ATRNL1: variants seen among roughly 807,000 people sequenced by gnomAD.
The protein encoded by ATRNL1 is attractin like 1.
ATRNL1 carries 95 observed loss-of-function variants against 182.7 expected under a neutral mutation model. The ratio of observed to expected loss-of-function variants is 0.52; its 90% CI spans 0.44 to 0.62. The LOEUF is 0.62. ATRNL1 is among the 20% of genes least tolerant of loss of function. The pLI is 0.00. For missense variants in ATRNL1, 1,471 were observed against 1,679.5 expected (o/e 0.88, Z 2.17); for synonymous variants, 576 against 568.3 (o/e 1.01, Z -0.19).
chr10:115,561,099 T>G (rs1373307467), intron 26 of ATRNL1, among the ~76,000 whole-genome samples: 2 of 152,074 alleles, frequency 1.3e-5, no homozygotes, highest in Non-Finnish European at 2.9e-5. Flanking sequence ...CAGAATCTTC[T>G]TAGACATGAC....
intron 25 of ATRNL1, among the ~76,000 whole-genome samples, chr10:115,521,394 C>T (rs782082271): frequency 6.6e-6 from 1 of 152,102 alleles, no homozygotes; most frequent in Non-Finnish European, 1.5e-5. Flanking sequence ...CTCAGATGAT[C>T]TGCCCACCTC....
chr10:115,532,855 G>T (rs1413121643), intron 25 of ATRNL1, among the ~76,000 whole-genome samples: 5 of 151,950 alleles, frequency 3.3e-5, no homozygotes, highest in East Asian at 1.9e-4. Context: ...AATCTTTTCT[G>T]CATCTATTGA....
At chr10:115,673,726 A>G (rs984731041) in intron 26 of ATRNL1, among the ~76,000 whole-genome samples, 1 of 152,036 alleles carries the variant, frequency 6.6e-6, no homozygotes, top group Admixed American at 6.6e-5. Context: ...CTGTAATGTG[A>G]CTTTGCTCCT....
chr10:115,770,275 C>T (rs1477575100), intron 27 of ATRNL1, among the ~76,000 whole-genome samples: 5 of 151,876 alleles, frequency 3.3e-5, no homozygotes, highest in Non-Finnish European at 5.9e-5. Flanking sequence ...CTATTTTGTG[C>T]ATTCAGCTTC....
intron 10 of ATRNL1, among the ~76,000 whole-genome samples, chr10:115,246,263 T>C (rs1453129045): frequency 6.6e-6 from 1 of 152,172 alleles, no homozygotes; most frequent in African/African-American, 2.4e-5. Flanking sequence ...GTATTCAGAA[T>C]TTAAAGTTAA....
At chr10:115,761,160 A>G (rs926855681) in intron 27 of ATRNL1, among the ~76,000 whole-genome samples, 1 of 152,230 alleles carries the variant, frequency 6.6e-6, no homozygotes, top group Admixed American at 6.5e-5. Context: ...AATAATAGCA[A>G]AAGGCTAGTT....
At chr10:115,535,425 C>T (rs1412948577) in intron 25 of ATRNL1, among the ~76,000 whole-genome samples, 37 of 150,190 alleles carry the variant, frequency 2.5e-4, no homozygotes, top group African/African-American at 8.0e-4. Context: ...CTGCATTCTT[C>T]ACGTAGTTCT....
At chr10:115,131,416 A>G (rs782627623) in intron 5 of ATRNL1, among the ~76,000 whole-genome samples, 4 of 152,118 alleles carry the variant, frequency 2.6e-5, no homozygotes, top group Admixed American at 6.6e-5. Flanking sequence ...ATGAGATAAT[A>G]TGGTGTTTTC....
chr10:115,449,034 A>C (rs1261447589), intron 21 of ATRNL1, among the ~76,000 whole-genome samples: 1 of 152,186 alleles, frequency 6.6e-6, no homozygotes, highest in Non-Finnish European at 1.5e-5. Context: ...TATGGACAGG[A>C]GGCAGGGAAA....
At chr10:115,708,356 T>C (rs893230964) in intron 26 of ATRNL1, among the ~76,000 whole-genome samples, 5 of 151,716 alleles carry the variant, frequency 3.3e-5, no homozygotes. Context: ...TAACTTCTTT[T>C]CCCTGAGAAA....
intron 8 of ATRNL1, among the ~76,000 whole-genome samples, chr10:115,213,930 C>T (rs1849125026): frequency 6.6e-6 from 1 of 151,778 alleles, no homozygotes; most frequent in Non-Finnish European, 1.5e-5. Flanking sequence ...ATATTATCAA[C>T]ACAATGAAAT....
In ATRNL1 at chr10:115,528,612, T is replaced by G. The variant is rs534155724; in HGVS notation, c.3716+9288T>G. On this transcript the variant is annotated intron_variant, in intron 25 of 28. Coordinates refer to ENST00000355044, the MANE Select transcript of ATRNL1 (RefSeq NM_207303.4). Reference sequence around the variant, plus strand: ...GGTATTGTTGATTTTCTCTATTGTTTTTCTATTTTCTCTATTGTTTATCTT... The same window carrying G: ...GGTATTGTTGATTTTCTCTATTGTTGTTCTATTTTCTCTATTGTTTATCTT... Among the ~76,000 whole-genome samples the G allele has an allele frequency of 2.6e-5, 4 of 152,182 alleles. 1 individual carries two copies. In the South Asian group the frequency reaches 8.3e-4, roughly 32 times the overall value.
At chr10:115,588,184 G>T (rs781943276) in intron 26 of ATRNL1, among the ~76,000 whole-genome samples, 1 of 152,060 alleles carries the variant, frequency 6.6e-6, no homozygotes, top group Non-Finnish European at 1.5e-5. Flanking sequence ...TGGCTCTCCG[G>T]AATCATTCTA....
rs185505034 is a variant in ATRNL1, at chr10:115,204,422, T to C, written c.1349-11275T>C. On this transcript the variant is annotated intron_variant, in intron 8 of 28. Transcript: ENST00000355044. ...CACCACTGTAGTGTTGGATGTGGAC[T>C]TGTCATATATGGCTTTTATTATGTT... Among the ~76,000 whole-genome samples, 1,151 of 152,272 alleles carry C rather than the reference T, an allele frequency of 7.6e-3. 16 individuals are homozygous for C. The highest frequency in any genetic ancestry group is 0.012 in the Non-Finnish European group (786 of 68,002).
intron 1 of ATRNL1, among the ~76,000 whole-genome samples, chr10:115,097,757 C>G (rs782414328): frequency 2.6e-5 from 4 of 152,080 alleles, no homozygotes; most frequent in Non-Finnish European, 5.9e-5. Context: ...AACCCCGTCT[C>G]TACTAAAAAT....
At chr10:115,896,287 T>C (rs1188707568) in intron 28 of ATRNL1, among the ~76,000 whole-genome samples, 1 of 152,206 alleles carries the variant, frequency 6.6e-6, no homozygotes, top group South Asian at 2.1e-4. Flanking sequence ...AATTGACCAA[T>C]AACCACAAAA....
At position 115,093,532 on chromosome 10, in the gene ATRNL1, A is replaced by T; in HGVS notation, c.-219A>T. ...TCGGCCCGCTAAGGACAAGGTCGGG[A>T]GACTGGGTGGCGATGCCCGAGTGCG... On this transcript the variant is annotated 5_prime_UTR_variant, in exon 1 of 29. Transcript: ENST00000355044. This position sits in a 1 kb window ranked among gnomAD's most constrained non-coding sequence, Gnocchi z 6.1. The T allele has an allele frequency of 1.5e-6, 1 of 678,072 alleles. No homozygotes were observed. The highest frequency in any genetic ancestry group is 1.5e-5 in the South Asian group (1 of 66,060). 42.0% of individuals were successfully genotyped at this position (678,072 alleles called of 1,614,324 possible).
rs369177045 is a variant in ATRNL1 at position 115,844,625 on chromosome 10, T to C, written c.3904-3252T>C. On this transcript the variant is annotated intron_variant, in intron 27 of 28. Coordinates refer to ENST00000355044, the MANE Select transcript of ATRNL1 (RefSeq NM_207303.4). ...TACAACAGTTTTAAAAACACTAGAC[T>C]GAACAAAAGCAGTCTTTTTAAAAGT... Among the ~76,000 whole-genome samples, 31 of 152,146 alleles carry C rather than the reference T, an allele frequency of 2.0e-4. No individual in the cohort carries two copies. In the East Asian group the frequency reaches 5.6e-3, roughly 28 times the overall value.
At chr10:115,329,687 A>G (rs1554934453) in intron 18 of ATRNL1, among the ~76,000 whole-genome samples, 1 of 148,246 alleles carries the variant, frequency 6.7e-6, no homozygotes, top group Non-Finnish European at 1.5e-5. Flanking sequence ...TGTCTAATAG[A>G]AGTATAGTTA....
Sources: gnomAD v4.1 joint callset for allele counts (sites outside exome capture counted in the v4.1 genomes callset) on GRCh38, gnomAD v4.1.1 for gene constraint, Gnocchi (gnomAD v3.1) non-coding constraint, MANE v1.5 for transcripts, NCBI Gene and HGNC (gene_info 2026-07-23, HGNC 2026-07-21) for gene names.